Variants in CADM2 observed in about 807,000 individuals in gnomAD.
The protein encoded by CADM2 is immunoglobulin superfamily member 4D.
In CADM2, 12 loss-of-function variants were observed where a neutral mutation model predicts 49.8. The ratio of observed to expected loss-of-function variants is 0.24; its 90% CI spans 0.15 to 0.39. The LOEUF (loss-of-function observed/expected upper bound fraction) is 0.39, where lower values mean the gene tolerates loss of function less well. Among genes scored for constraint, CADM2 ranks in the 10% least tolerant of loss-of-function variants. CADM2 has a pLI of 1.00. For synonymous variants in CADM2, 214 were observed against 175.4 expected (o/e 1.22, Z -1.74); for missense variants, 378 against 492.3 (o/e 0.77, Z 2.20).
At chr3:85,665,344 T>G (rs2065533580) in intron 1 of CADM2, among the ~76,000 whole-genome samples, 1 of 151,930 alleles carries the variant, frequency 6.6e-6, no homozygotes, top group African/African-American at 2.4e-5. Context: ...TTTTAATAAT[T>G]CTGAAAACAT....
intron 8 of CADM2, among the ~76,000 whole-genome samples, chr3:86,008,110 G>T (rs903101045): frequency 6.6e-6 from 1 of 151,106 alleles, no homozygotes; most frequent in Non-Finnish European, 1.5e-5. Context: ...AAGCTAATTT[G>T]ACATGTGAAA....
chr3:85,429,013 T>C (rs2036549700), intron 1 of CADM2, among the ~76,000 whole-genome samples: 1 of 151,306 alleles, frequency 6.6e-6, no homozygotes, highest in East Asian at 1.9e-4. Flanking sequence ...GCTCAAAATG[T>C]TTTGGTTTTA....
At chr3:85,526,949 T>G (rs1379780665) in intron 1 of CADM2, among the ~76,000 whole-genome samples, 1 of 152,216 alleles carries the variant, frequency 6.6e-6, no homozygotes, top group African/African-American at 2.4e-5. Context: ...TCTGTGATTT[T>G]TTAACGCTCT....
intron 1 of CADM2, among the ~76,000 whole-genome samples, chr3:85,241,904 A>T (rs1339421163): frequency 6.6e-6 from 1 of 151,524 alleles, no homozygotes; most frequent in South Asian, 2.1e-4. Context: ...TTTCTGAACA[A>T]TGTTCACAAT....
At chr3:85,802,248 T>G (rs1384498993) in intron 3 of CADM2, 52 bp downstream of exon 3, 10 of 1,463,716 alleles carry the variant, frequency 6.8e-6, no homozygotes, top group Non-Finnish European at 7.4e-6. Flanking sequence ...ATATCCTAAT[T>G]ACAATAAATT....
intron 8 of CADM2, among the ~76,000 whole-genome samples, chr3:86,059,073 G>A (rs1738321795): frequency 7.1e-6 from 1 of 140,694 alleles, no homozygotes; most frequent in Non-Finnish European, 1.5e-5. Flanking sequence ...CAGCCTGGGT[G>A]ACAGAGCGAG....
At chr3:85,299,248 A>G (rs2044037044) in intron 1 of CADM2, among the ~76,000 whole-genome samples, 1 of 152,080 alleles carries the variant, frequency 6.6e-6, no homozygotes, top group South Asian at 2.1e-4. Context: ...CACATTATAG[A>G]CCCAGTTTTT....
At position 85,968,819 on chromosome 3, in the gene CADM2, G is replaced by A. The variant is rs890577653; in HGVS notation, c.970+7172G>A. 2.6e-5 allele frequency among the ~76,000 whole-genome samples: 4 copies of A among 151,652 alleles called. No individual in the cohort carries two copies. The Admixed American group carries it at 2.6e-4, about 10-fold the overall frequency. ...AGCAATATGCAATGGCCCATGGGAG[G>A]AAATGTTGGCATTAGTTTTCAGAAA... On this transcript the variant is annotated intron_variant, in intron 8 of 9. Transcript: ENST00000383699.
intron 1 of CADM2, among the ~76,000 whole-genome samples, chr3:85,374,723 A>G (rs1228738786): frequency 6.6e-6 from 1 of 152,184 alleles, no homozygotes; most frequent in East Asian, 1.9e-4. Flanking sequence ...ACATGGCGGC[A>G]GGCAAGACAG....
chr3:85,237,690 C>G (rs2042438549), intron 1 of CADM2, among the ~76,000 whole-genome samples: 1 of 151,518 alleles, frequency 6.6e-6, no homozygotes, highest in South Asian at 2.1e-4. Context: ...TATGGTTACT[C>G]TAAAGATTGT....
chr3:85,289,099 T>G (rs983574396), intron 1 of CADM2, among the ~76,000 whole-genome samples: 1 of 152,160 alleles, frequency 6.6e-6, no homozygotes, highest in African/African-American at 2.4e-5. Flanking sequence ...GACTCTTTCT[T>G]ATAGACTCAA....
intron 1 of CADM2, among the ~76,000 whole-genome samples, chr3:84,998,153 T>C (rs541527325): frequency 5.9e-5 from 9 of 152,172 alleles, no homozygotes; most frequent in Non-Finnish European, 1.2e-4. Flanking sequence ...TGACATCTAC[T>C]TGAACTATAG....
intron 1 of CADM2, among the ~76,000 whole-genome samples, chr3:85,133,378 G>A (rs188575961): frequency 6.6e-6 from 1 of 152,302 alleles, no homozygotes; most frequent in African/African-American, 2.4e-5. Context: ...CCCTGAGCTA[G>A]ACACAAAGGT....
intron 1 of CADM2, among the ~76,000 whole-genome samples, chr3:85,280,652 A>T (rs575591812): frequency 2.0e-5 from 3 of 151,870 alleles, no homozygotes; most frequent in East Asian, 1.9e-4. Context: ...TTTTTTATTT[A>T]AAAAAACTTA....
chr3:85,536,468 T>C (rs1252862217), intron 1 of CADM2, among the ~76,000 whole-genome samples: 1 of 152,102 alleles, frequency 6.6e-6, no homozygotes, highest in Admixed American at 6.5e-5. Flanking sequence ...ATTGTTTTTT[T>C]CTTTTTCTTT....
At chr3:85,833,922 T>A (rs1373723604) in intron 3 of CADM2, among the ~76,000 whole-genome samples, 1 of 151,710 alleles carries the variant, frequency 6.6e-6, no homozygotes, top group African/African-American at 2.4e-5. Flanking sequence ...TAATGGAGAT[T>A]GCATTGAATC....
At chr3:85,911,816 T>C (rs750710933) in intron 5 of CADM2, among the ~76,000 whole-genome samples, 1 of 152,130 alleles carries the variant, frequency 6.6e-6, no homozygotes, top group Non-Finnish European at 1.5e-5. Flanking sequence ...TATAAGAATA[T>C]CTTGTGCCTG....
At chr3:85,952,043 C>T (rs1285926462) in intron 7 of CADM2, among the ~76,000 whole-genome samples, 4 of 150,368 alleles carry the variant, frequency 2.7e-5, no homozygotes, top group Middle Eastern at 3.4e-3. Flanking sequence ...AAGAAAGTAG[C>T]GAACTGAACA....
intron 1 of CADM2, among the ~76,000 whole-genome samples, chr3:85,707,393 C>CTTTTTTTTT (rs34006416): frequency 4.7e-5 from 6 of 128,630 alleles, no homozygotes; most frequent in Non-Finnish European, 6.5e-5. Context: ...ATCATTGTAT[C>CTTTTTTTTT]TTTTTTTTTT....
Sources: allele counts gnomAD v4.1 joint callset (sites outside exome capture counted in the v4.1 genomes callset), GRCh38; gene constraint gnomAD v4.1.1; transcripts MANE v1.5; gene names NCBI Gene and HGNC (gene_info 2026-07-23, HGNC 2026-07-21).